Variants in CHODL observed in about 807,000 individuals in gnomAD.
CHODL encodes chondrolectin, also known as transmembrane protein MT75.
A neutral mutation model predicts 34.5 loss-of-function variants in CHODL; 29 were observed. The ratio of observed to expected loss-of-function variants is 0.84; its 90% CI spans 0.63 to 1.15. The LOEUF is 1.15. Among genes scored for constraint, CHODL ranks in the 50% most tolerant of loss-of-function variants. The pLI is 0.00. For synonymous variants in CHODL, 125 were observed against 116.1 expected, an observed-to-expected ratio of 1.08 and a Z score of -0.49; for missense variants, 332 against 332.5, an observed-to-expected ratio of 1.00 and a Z score of 0.01.
intron 2 of CHODL, among the ~76,000 whole-genome samples, chr21:18,098,669 T>TCCC (rs2065171313): frequency 6.6e-6 from 1 of 151,880 alleles, no homozygotes; most frequent in African/African-American, 2.4e-5. Context: ...AGTTTGGAGG[T>TCCC]CCCTCAAAAA....
intron 2 of CHODL, among the ~76,000 whole-genome samples, chr21:18,133,934 A>G (rs565087593): frequency 6.6e-6 from 1 of 152,254 alleles, no homozygotes. Context: ...AAAATCTCAG[A>G]TATTTCTTAG....
chr21:18,005,912 A>G (rs896334263), intron 1 of CHODL, among the ~76,000 whole-genome samples: 1 of 152,008 alleles, frequency 6.6e-6, no homozygotes, highest in African/African-American at 2.4e-5. Flanking sequence ...CCCAAATCTC[A>G]TCTTGAATTG....
At chr21:18,024,088 C>T (rs920602069) in intron 1 of CHODL, among the ~76,000 whole-genome samples, 11 of 152,188 alleles carry the variant, frequency 7.2e-5, no homozygotes, top group African/African-American at 2.7e-4. Flanking sequence ...GCATCTCCAA[C>T]TAAAACTCCT....
intron 1 of CHODL, among the ~76,000 whole-genome samples, chr21:17,957,153 A>G (rs953746893): frequency 6.6e-6 from 1 of 152,276 alleles, no homozygotes; most frequent in East Asian, 1.9e-4. Flanking sequence ...AACTCTATCT[A>G]ATCAATCATT....
chr21:18,136,105 C>CAAAAAAAAAAAAAAAAA (rs67552520), intron 2 of CHODL, among the ~76,000 whole-genome samples: 8 of 89,448 alleles, frequency 8.9e-5, no homozygotes, highest in East Asian at 2.9e-4. Flanking sequence ...GATTATGTCT[C>CAAAAAAAAAAAAAAAAA]AAAAAAAAAA....
chr21:18,147,776 C>G (rs548835600), intron 2 of CHODL, among the ~76,000 whole-genome samples: 1 of 152,316 alleles, frequency 6.6e-6, no homozygotes, highest in African/African-American at 2.4e-5. Context: ...TAACACAGAA[C>G]TTATCTAATA....
chr21:18,030,431 CT>C (rs1456156497), intron 2 of CHODL, among the ~76,000 whole-genome samples: 1 of 152,074 alleles, frequency 6.6e-6, no homozygotes, highest in Non-Finnish European at 1.5e-5. Flanking sequence ...TGTGAGAGAC[CT>C]TTTGTCAGAA....
At chr21:18,183,699 A>G (rs1002244) in intron 2 of CHODL, among the ~76,000 whole-genome samples, 24,353 of 152,168 alleles carry the variant, frequency 0.16, 2,486 homozygotes, top group South Asian at 0.34. Context: ...ATAATTTTAT[A>G]CACACTAATG....
intron 2 of CHODL, among the ~76,000 whole-genome samples, chr21:18,120,315 C>A (rs1210835865): frequency 1.3e-5 from 2 of 152,084 alleles, no homozygotes; most frequent in Non-Finnish European, 2.9e-5. Flanking sequence ...ATACCTGGGA[C>A]CAAGCAGACC....
intron 1 of CHODL, among the ~76,000 whole-genome samples, chr21:18,017,087 A>G (rs2064082269): frequency 6.6e-6 from 1 of 152,202 alleles, no homozygotes; most frequent in Non-Finnish European, 1.5e-5. Flanking sequence ...CTCAGATGAG[A>G]CTTTGCAATT....
At chr21:18,182,050 G>C (rs1274729500) in intron 2 of CHODL, among the ~76,000 whole-genome samples, 2 of 152,028 alleles carry the variant, frequency 1.3e-5, no homozygotes. Context: ...TTTTTGTGTG[G>C]AAATATGTTT....
intron 2 of CHODL, among the ~76,000 whole-genome samples, chr21:18,054,716 C>T (rs954172596): frequency 6.6e-6 from 1 of 151,838 alleles, no homozygotes; most frequent in African/African-American, 2.4e-5. Flanking sequence ...CATCACAATG[C>T]TGAGTGTGTG....
chr21:17,984,528 C>G (rs912262468), intron 1 of CHODL, among the ~76,000 whole-genome samples: 8 of 151,408 alleles, frequency 5.3e-5, no homozygotes, highest in African/African-American at 1.9e-4. Context: ...AAAATACTTT[C>G]TAGTTTGGTG....
intron 2 of CHODL, among the ~76,000 whole-genome samples, chr21:18,207,765 A>G (rs1568937539): frequency 2.0e-5 from 3 of 148,656 alleles, no homozygotes. Flanking sequence ...TTTTCCTCTA[A>G]TACTTTAAAT....
rs77250821 is a variant in CHODL at position 17,959,331 on chromosome 21, C to T, written c.-145+41931C>T. Among the ~76,000 whole-genome samples the T allele has an allele frequency of 2.0e-4, 31 of 152,264 alleles. No individual in the cohort carries two copies. In the East Asian group the frequency reaches 5.4e-3, roughly 27 times the overall value. ...CCAATCAAGTTTACTCTGTCCACTA[C>T]GTTTTTGGTGTTTAATTTCCTCAGT... On this transcript the variant is annotated intron_variant, in intron 1 of 6. Coordinates refer to the CHODL transcript ENST00000400127.
At chr21:18,135,146 G>A (rs866203273) in intron 2 of CHODL, among the ~76,000 whole-genome samples, 1 of 152,162 alleles carries the variant, frequency 6.6e-6, no homozygotes, top group South Asian at 2.1e-4. Flanking sequence ...AAGTGTAATG[G>A]TGCCAATCCT....
chr21:17,993,195 T>C (rs422595), intron 1 of CHODL, among the ~76,000 whole-genome samples: 19,867 of 149,050 alleles, frequency 0.13, 1,536 homozygotes, highest in South Asian at 0.32. Context: ...GCTTTTATTA[T>C]TTTGAGGTAT....
At chr21:17,928,302 A>T (rs2063244627) in intron 1 of CHODL, among the ~76,000 whole-genome samples, 1 of 152,198 alleles carries the variant, frequency 6.6e-6, no homozygotes, top group African/African-American at 2.4e-5. Flanking sequence ...AAACATCACT[A>T]AAGAAGGTAC....
chr21:17,944,098 T>C (rs201426596), intron 1 of CHODL, among the ~76,000 whole-genome samples: 1 of 151,482 alleles, frequency 6.6e-6, no homozygotes, highest in African/African-American at 2.4e-5. Flanking sequence ...TTATTCTTCC[T>C]AGCTTAAGAA....
Sources: gnomAD v4.1 joint callset for allele counts (sites outside exome capture counted in the v4.1 genomes callset) on GRCh38, gnomAD v4.1.1 for gene constraint, MANE v1.5 for transcripts, NCBI Gene and HGNC (gene_info 2026-07-23, HGNC 2026-07-21) for gene names.